ELL2: variants seen among roughly 807,000 people sequenced by gnomAD.
ELL2 encodes elongation factor for RNA polymerase II 2.
Under a neutral mutation model 72.8 loss-of-function variants are expected in ELL2, and 21 were observed. The ratio of observed to expected loss-of-function variants is 0.29; its 90% CI spans 0.20 to 0.42. The LOEUF is 0.42. Ranked by LOEUF, ELL2 falls within the 10% of genes least tolerant of loss-of-function variation. The pLI, the probability that ELL2 is intolerant of heterozygous loss-of-function variation, is 1.00. For synonymous variants in ELL2, 266 were observed against 283.2 expected (o/e 0.94, Z 0.61); for missense variants, 568 against 772.8 (o/e 0.73, Z 3.14).
chr5:95,935,713 C>A (rs1445291985), intron 2 of ELL2, among the ~76,000 whole-genome samples: 1 of 152,192 alleles, frequency 6.6e-6, no homozygotes, highest in Admixed American at 6.5e-5. Flanking sequence ...ACCAAACACA[C>A]CCATGTCTCC....
At chr5:95,938,744 T>C (rs1186658696) in intron 2 of ELL2, among the ~76,000 whole-genome samples, 1 of 152,180 alleles carries the variant, frequency 6.6e-6, no homozygotes, top group Non-Finnish European at 1.5e-5. Flanking sequence ...TTATTATTTC[T>C]AAAAATTATG....
In ELL2 at chr5:95,913,972, T is replaced by TC. The variant is rs774113722; in HGVS notation, c.318-39dup. ...TCAGTGGCTTTGTTAGACATGACCT[T>TC]CATTTTGTACAATAAAGGCAAACAA... On this transcript the variant is annotated intron_variant, in intron 3 of 11. Transcript: ENST00000237853. 8 of 1,532,726 alleles carry TC rather than the reference T, an allele frequency of 5.2e-6. No individual in the cohort carries two copies. In the South Asian group the frequency reaches 7.6e-5, roughly 15 times the overall value. 94.9% of individuals were successfully genotyped at this position (1,532,726 alleles called of 1,614,324 possible).
chr5:95,914,918 C>G (rs749786261), intron 3 of ELL2, among the ~76,000 whole-genome samples: 16 of 152,276 alleles, frequency 1.1e-4, no homozygotes, highest in South Asian at 8.3e-4. Context: ...GAAGATGGCT[C>G]TGTTTCAAAG....
chr5:95,913,695 A>AT lies in ELL2; in HGVS notation c.481+75dup, dbSNP rs1749684471. The AT allele has an allele frequency of 2.2e-6, 3 of 1,373,428 alleles. No individual in the cohort carries two copies. The South Asian group carries it at 5.4e-5, about 25-fold the overall frequency. 85.1% of individuals were successfully genotyped at this position (1,373,428 alleles called of 1,614,324 possible). A position where few individuals can be genotyped will look rare whatever the true frequency, so the allele number is the denominator to read the frequency against. ...GTTTCTGTGTTTTCATTAAGTTAATATTACTGGTATTTACCTATGGTGATC... is the reference window on the plus strand; with the variant it reads ...GTTTCTGTGTTTTCATTAAGTTAATATTTACTGGTATTTACCTATGGTGATC... On this transcript the variant is annotated intron_variant, in intron 4 of 11. Transcript: ENST00000237853.
At chr5:95,947,735 T>C (rs1751218890) in intron 1 of ELL2, among the ~76,000 whole-genome samples, 1 of 152,168 alleles carries the variant, frequency 6.6e-6, no homozygotes, top group Non-Finnish European at 1.5e-5. Flanking sequence ...TAGTGCTAAA[T>C]ATTTAAAAGA....
At chr5:95,925,941 G>A (rs898939623) in intron 2 of ELL2, among the ~76,000 whole-genome samples, 2 of 152,120 alleles carry the variant, frequency 1.3e-5, no homozygotes, top group African/African-American at 4.8e-5. Context: ...AGAATTCTCT[G>A]TTGTTCTCAA....
At chr5:95,948,008 T>C (rs997140175) in intron 1 of ELL2, among the ~76,000 whole-genome samples, 13 of 152,180 alleles carry the variant, frequency 8.5e-5, no homozygotes, top group South Asian at 2.1e-4. Flanking sequence ...ACTAAGCTCA[T>C]TGTTACTCAG....
At chr5:95,955,159 CT>C (rs973519308) in intron 1 of ELL2, among the ~76,000 whole-genome samples, 3 of 152,068 alleles carry the variant, frequency 2.0e-5, no homozygotes, top group African/African-American at 7.2e-5. Context: ...CAGTTTCTGT[CT>C]GCTAAAATCT....
At chr5:95,903,507 G>C (rs1749224967) in intron 5 of ELL2, among the ~76,000 whole-genome samples, 1 of 152,020 alleles carries the variant, frequency 6.6e-6, no homozygotes, top group Non-Finnish European at 1.5e-5. Flanking sequence ...GGGATTACAG[G>C]GGTGAGCCAC....
intron 1 of ELL2, among the ~76,000 whole-genome samples, chr5:95,953,566 C>G (rs918438244): frequency 1.3e-5 from 2 of 152,224 alleles, no homozygotes; most frequent in African/African-American, 4.8e-5. Context: ...AATAAGCTCA[C>G]AGTTGAGTGA....
At chr5:95,923,033 A>C (rs1030106632) in intron 2 of ELL2, among the ~76,000 whole-genome samples, 7 of 152,158 alleles carry the variant, frequency 4.6e-5, no homozygotes, top group African/African-American at 1.7e-4. Context: ...ACAAAATATC[A>C]GTAGGGCCAA....
At chr5:95,950,902 G>GTATATATA (rs1751352182) in intron 1 of ELL2, among the ~76,000 whole-genome samples, 1 of 75,038 alleles carries the variant, frequency 1.3e-5, no homozygotes, top group Non-Finnish European at 2.9e-5. Flanking sequence ...ATGTATGTAT[G>GTATATATA]TGTATATATA....
At chr5:95,896,831 C>T (rs144333311) in intron 8 of ELL2, among the ~76,000 whole-genome samples, 1 of 152,224 alleles carries the variant, frequency 6.6e-6, no homozygotes, top group Non-Finnish European at 1.5e-5. Flanking sequence ...ACTCTGAGAA[C>T]ACTTGGAACT....
At chr5:95,943,146 C>T in intron 1 of ELL2, 97 bp from the exon 2 acceptor site, 2 of 963,528 alleles carry the variant, frequency 2.1e-6, no homozygotes, top group South Asian at 3.7e-5. Flanking sequence ...TTGGGCCAGG[C>T]ACAGTGACTC....
chr5:95,928,601 G>C (rs77455772), intron 2 of ELL2, among the ~76,000 whole-genome samples: 6,202 of 152,026 alleles, frequency 0.041, 221 homozygotes, highest in African/African-American at 0.083. Context: ...ACACATAATC[G>C]TAAGACTTAC....
intron 4 of ELL2, among the ~76,000 whole-genome samples, chr5:95,911,299 G>A (rs1165878060): frequency 6.6e-6 from 1 of 150,696 alleles, no homozygotes; most frequent in Non-Finnish European, 1.5e-5. Context: ...AAGCCAATCA[G>A]GATACTTGAA....
chr5:95,957,251 G>A (rs1311020800), intron 1 of ELL2, among the ~76,000 whole-genome samples: 2 of 152,162 alleles, frequency 1.3e-5, no homozygotes, highest in South Asian at 2.1e-4. Flanking sequence ...CATTACTGAG[G>A]AACCTAGCTA....
At chr5:95,898,900 C>A (rs146969335) in intron 7 of ELL2, 90 bp from the exon 8 acceptor site, 4 of 922,734 alleles carry the variant, frequency 4.3e-6, no homozygotes, top group South Asian at 3.0e-5. Flanking sequence ...AACTAAGTAA[C>A]CTTACTTACT....
intron 4 of ELL2, among the ~76,000 whole-genome samples, chr5:95,911,425 C>T (rs992103143): frequency 6.6e-6 from 1 of 151,998 alleles, no homozygotes; most frequent in African/African-American, 2.4e-5. Context: ...GCAACCTCCA[C>T]CTCCCGGATT....
Sources: allele counts gnomAD v4.1 joint callset (sites outside exome capture counted in the v4.1 genomes callset), GRCh38; gene constraint gnomAD v4.1.1; transcripts MANE v1.5; gene names NCBI Gene and HGNC (gene_info 2026-07-23, HGNC 2026-07-21).